Variants in ZNF385B observed in about 807,000 individuals in gnomAD.
ZNF385B encodes the protein zinc finger protein 385B, also known as zinc finger protein 533.
Under a neutral mutation model 39.2 loss-of-function variants are expected in ZNF385B, and 23 were observed. The ratio of observed to expected loss-of-function variants is 0.59; its 90% CI spans 0.42 to 0.83. The LOEUF (loss-of-function observed/expected upper bound fraction) is 0.83, where lower values mean the gene tolerates loss of function less well. ZNF385B is among the 40% of genes least tolerant of loss of function. The probability of loss-of-function intolerance (pLI) is 0.00; values close to 1 mark genes in which losing one functional copy is unlikely to be tolerated. For synonymous variants in ZNF385B, 205 were observed against 222.6 expected (o/e 0.92, Z 0.70); for missense variants, 552 against 598.9 (o/e 0.92, Z 0.82).
At chr2:179,554,413 C>A (rs1048186368) in intron 3 of ZNF385B, among the ~76,000 whole-genome samples, 2 of 148,702 alleles carry the variant, frequency 1.3e-5, no homozygotes, top group African/African-American at 5.1e-5. Flanking sequence ...AATGGTGGAG[C>A]GGAACTGTAT....
chr2:179,560,408 T>C (rs1423479338), intron 3 of ZNF385B, among the ~76,000 whole-genome samples: 4 of 152,184 alleles, frequency 2.6e-5, no homozygotes, highest in Non-Finnish European at 5.9e-5. Context: ...AGTAAACAAT[T>C]CACAAAAATG....
intron 1 of ZNF385B, among the ~76,000 whole-genome samples, chr2:179,843,345 C>T (rs751994810): frequency 6.6e-6 from 1 of 152,160 alleles, no homozygotes; most frequent in Non-Finnish European, 1.5e-5. Context: ...CTTCCACCTG[C>T]ATATATATCT....
intron 3 of ZNF385B, among the ~76,000 whole-genome samples, chr2:179,685,893 T>C (rs13408478): frequency 1.6e-3 from 239 of 152,290 alleles, no homozygotes; most frequent in African/African-American, 5.4e-3. Flanking sequence ...ACATATATGT[T>C]CCACATTAGC....
chr2:179,755,687 T>C (rs1298775909), intron 3 of ZNF385B, among the ~76,000 whole-genome samples: 3 of 152,228 alleles, frequency 2.0e-5, no homozygotes, highest in Non-Finnish European at 2.9e-5. Context: ...CATTATGTAA[T>C]GGCCTTCTAT....
chr2:179,720,158 C>A (rs1002977746), intron 3 of ZNF385B, among the ~76,000 whole-genome samples: 4 of 151,992 alleles, frequency 2.6e-5, no homozygotes, highest in African/African-American at 9.7e-5. Context: ...GATTTAGGCT[C>A]AATAATGCCT....
At chr2:179,707,191 G>A (rs921588363) in intron 3 of ZNF385B, among the ~76,000 whole-genome samples, 6 of 152,200 alleles carry the variant, frequency 3.9e-5, no homozygotes, top group Non-Finnish European at 5.9e-5. Context: ...CTGCACGCCC[G>A]TGGAATTAGT....
chr2:179,797,550 T>A (rs1204550287), intron 1 of ZNF385B, among the ~76,000 whole-genome samples: 1 of 152,248 alleles, frequency 6.6e-6, no homozygotes, highest in Non-Finnish European at 1.5e-5. Flanking sequence ...TTGGTTGATA[T>A]GTCTTTTAAG....
intron 4 of ZNF385B, among the ~76,000 whole-genome samples, chr2:179,523,539 C>A (rs148150962): frequency 1.3e-5 from 2 of 151,798 alleles, no homozygotes; most frequent in Non-Finnish European, 2.9e-5. Context: ...TGTGCTCAAG[C>A]GACTTGACAT....
intron 1 of ZNF385B, among the ~76,000 whole-genome samples, chr2:179,845,240 G>C (rs1708740759): frequency 6.6e-6 from 1 of 152,158 alleles, no homozygotes; most frequent in South Asian, 2.1e-4. Context: ...CCTTTTCCCA[G>C]TTCAATTCTT....
chr2:179,834,623 C>T (rs1002384233), intron 1 of ZNF385B, among the ~76,000 whole-genome samples: 1 of 152,110 alleles, frequency 6.6e-6, no homozygotes, highest in Admixed American at 6.5e-5. Context: ...ATTTTTACAA[C>T]CACCATAGTA....
intron 3 of ZNF385B, among the ~76,000 whole-genome samples, chr2:179,657,256 A>C (rs1423375795): frequency 6.6e-6 from 1 of 152,222 alleles, no homozygotes; most frequent in Admixed American, 6.5e-5. Context: ...AAGCCACCTT[A>C]GTGGCCATCA....
chr2:179,572,111 A>G (rs1241056443), intron 3 of ZNF385B, among the ~76,000 whole-genome samples: 2 of 152,034 alleles, frequency 1.3e-5, no homozygotes, highest in Non-Finnish European at 1.5e-5. Context: ...GTTGAACAGG[A>G]CAGGAGGTGG....
intron 3 of ZNF385B, among the ~76,000 whole-genome samples, chr2:179,766,067 G>C (rs1485710855): frequency 1.8e-5 from 1 of 54,116 alleles, no homozygotes; most frequent in East Asian, 9.3e-4. Context: ...CACACACACA[G>C]CAGACTGGTT....
chr2:179,700,476 G>T (rs1699106165), intron 3 of ZNF385B, among the ~76,000 whole-genome samples: 1 of 127,868 alleles, frequency 7.8e-6, no homozygotes, highest in African/African-American at 2.8e-5. Flanking sequence ...TTGAGTAAAT[G>T]TTGCTTTCTT....
chr2:179,537,873 T>C (rs190105882), intron 4 of ZNF385B, among the ~76,000 whole-genome samples: 14 of 152,276 alleles, frequency 9.2e-5, no homozygotes, highest in Admixed American at 9.2e-4. Context: ...AAAGATTCCC[T>C]ATAACTATTT....
chr2:179,727,866 C>A (rs1302295205), intron 3 of ZNF385B, among the ~76,000 whole-genome samples: 2 of 152,030 alleles, frequency 1.3e-5, no homozygotes, highest in Admixed American at 6.6e-5. Context: ...AGCTTGGAGG[C>A]AGCAGGTTTT....
chr2:179,473,076 T>G lies in ZNF385B; in HGVS notation c.715+10196A>C, dbSNP rs142989319. Among the ~76,000 whole-genome samples, 488 of 152,276 alleles carry G rather than the reference T, an allele frequency of 3.2e-3. 5 individuals are homozygous for G. The highest frequency in any genetic ancestry group is 0.011 in the African/African-American group (450 of 41,562). ...TAATTATGTTACTACTATGAAAGAA[T>G]AGAGTGCCAGGGGCTGCAGGGGACA... On this transcript the variant is annotated intron_variant, in intron 6 of 9. Transcript: ENST00000410066.
chr2:179,578,748 T>G (rs1241690847), intron 3 of ZNF385B, among the ~76,000 whole-genome samples: 2 of 152,076 alleles, frequency 1.3e-5, no homozygotes, highest in African/African-American at 2.4e-5. Flanking sequence ...ACAGTGGCCC[T>G]TCACTGTTTG....
At chr2:179,712,207 A>C (rs186968707) in intron 3 of ZNF385B, among the ~76,000 whole-genome samples, 2 of 152,276 alleles carry the variant, frequency 1.3e-5, no homozygotes, top group Admixed American at 6.5e-5. Flanking sequence ...GCTTTCTCCC[A>C]CTGATAATAC....
Sources: gnomAD v4.1 joint callset for allele counts (sites outside exome capture counted in the v4.1 genomes callset) on GRCh38, gnomAD v4.1.1 for gene constraint, MANE v1.5 for transcripts, NCBI Gene and HGNC (gene_info 2026-07-23, HGNC 2026-07-21) for gene names.